Variants in ZHX2 observed in about 807,000 individuals in gnomAD.
The protein encoded by ZHX2 is zinc fingers and homeoboxes 2, also known as zinc fingers and homeoboxes protein 2.
Under a neutral mutation model 21.9 loss-of-function variants are expected in ZHX2, and 6 were observed. The ratio of observed to expected loss-of-function variants is 0.27; its 90% CI spans 0.15 to 0.54. ZHX2 has a LOEUF of 0.54. ZHX2 is among the 20% of genes least tolerant of loss of function. The pLI, the probability that ZHX2 is intolerant of heterozygous loss-of-function variation, is 0.95. For synonymous variants in ZHX2, 434 were observed against 437.1 expected (o/e 0.99, Z 0.09); for missense variants, 908 against 1,090.7 (o/e 0.83, Z 2.36).
intron 3 of ZHX2, among the ~76,000 whole-genome samples, chr8:122,971,870 G>A (rs538056096): frequency 4.7e-4 from 71 of 152,202 alleles, no homozygotes; most frequent in Middle Eastern, 3.4e-3. Flanking sequence ...ACAAAGTATT[G>A]CAAACTGGAT....
intron 1 of ZHX2, among the ~76,000 whole-genome samples, chr8:122,841,440 C>T (rs1033004450): frequency 6.6e-6 from 1 of 151,958 alleles, no homozygotes; most frequent in African/African-American, 2.4e-5. Context: ...AGGTGCCAGA[C>T]ATTTTGGGGT....
chr8:122,833,381 T>C (rs1212450138), intron 1 of ZHX2, among the ~76,000 whole-genome samples: 4 of 152,116 alleles, frequency 2.6e-5, no homozygotes, highest in African/African-American at 9.7e-5. Context: ...TTTAGGCCTA[T>C]GAGAGCTGCT....
intron 2 of ZHX2, among the ~76,000 whole-genome samples, chr8:122,870,350 C>T (rs1212509247): frequency 6.6e-6 from 1 of 151,872 alleles, no homozygotes; most frequent in Non-Finnish European, 1.5e-5. Context: ...TGAGCTGGTG[C>T]CAGGCACGGT....
chr8:122,925,512 G>A (rs1005107668), intron 2 of ZHX2, among the ~76,000 whole-genome samples: 2 of 152,176 alleles, frequency 1.3e-5, no homozygotes, highest in African/African-American at 2.4e-5. Context: ...AGTTCAAACC[G>A]TGTTCTCTTT....
intron 1 of ZHX2, among the ~76,000 whole-genome samples, chr8:122,835,700 G>C (rs1818479513): frequency 6.6e-6 from 1 of 152,198 alleles, no homozygotes; most frequent in Non-Finnish European, 1.5e-5. Flanking sequence ...AAGGCGATCA[G>C]GGTGGCAAGA....
chr8:122,823,640 CAG>C (rs1262286580), intron 1 of ZHX2, among the ~76,000 whole-genome samples: 2 of 152,246 alleles, frequency 1.3e-5, no homozygotes, highest in African/African-American at 2.4e-5. Flanking sequence ...AGCAGGTTCT[CAG>C]AAGCAGTCCT....
intron 3 of ZHX2, among the ~76,000 whole-genome samples, chr8:122,956,204 T>C (rs965028378): frequency 5.9e-5 from 9 of 152,122 alleles, no homozygotes; most frequent in Non-Finnish European, 1.3e-4. Flanking sequence ...GGTTGCTTTT[T>C]CCTCCCACCC....
chr8:122,837,151 T>C (rs1199042037), intron 1 of ZHX2, among the ~76,000 whole-genome samples: 1 of 152,198 alleles, frequency 6.6e-6, no homozygotes, highest in Non-Finnish European at 1.5e-5. Flanking sequence ...ACCCCTTGTT[T>C]AGCATATCAT....
intron 2 of ZHX2, among the ~76,000 whole-genome samples, chr8:122,867,329 A>G (rs1018964276): frequency 1.3e-5 from 2 of 152,220 alleles, no homozygotes; most frequent in African/African-American, 4.8e-5. Flanking sequence ...CTTACCATTC[A>G]GTCCACAGAC....
chr8:122,797,433 G>T (rs772258649), intron 1 of ZHX2, among the ~76,000 whole-genome samples: 1 of 152,270 alleles, frequency 6.6e-6, no homozygotes, highest in East Asian at 1.9e-4. Context: ...CATGACCGTC[G>T]GGCCAGTAGT....
At chr8:122,926,068 C>T (rs764607866) in intron 2 of ZHX2, among the ~76,000 whole-genome samples, 10 of 152,180 alleles carry the variant, frequency 6.6e-5, no homozygotes, top group Admixed American at 2.0e-4. Context: ...AGAAGCCACA[C>T]GCATGCGCCC....
At chr8:122,927,595 G>A (rs1490788885) in intron 2 of ZHX2, among the ~76,000 whole-genome samples, 1 of 152,192 alleles carries the variant, frequency 6.6e-6, no homozygotes, top group Admixed American at 6.5e-5. Context: ...TGGCGAAAGA[G>A]CAAGGGACAT....
intron 1 of ZHX2, among the ~76,000 whole-genome samples, chr8:122,799,401 T>C (rs1179255111): frequency 6.6e-6 from 1 of 151,036 alleles, no homozygotes; most frequent in Non-Finnish European, 1.5e-5. Flanking sequence ...GCCACAATTT[T>C]TTTTTTTGTT....
intron 1 of ZHX2, among the ~76,000 whole-genome samples, chr8:122,838,453 G>A (rs1818550581): frequency 2.0e-5 from 3 of 151,426 alleles, no homozygotes; most frequent in Non-Finnish European, 4.4e-5. Flanking sequence ...ACTGGGAAAA[G>A]AAAACAAGGT....
chr8:122,932,780 A>G (rs546380906), intron 2 of ZHX2, among the ~76,000 whole-genome samples: 19 of 152,200 alleles, frequency 1.2e-4, no homozygotes, highest in Non-Finnish European at 2.8e-4. Context: ...TTTGCCGTAC[A>G]AAGTAAGATT....
chr8:122,943,391 C>G (rs1025069857), intron 2 of ZHX2, among the ~76,000 whole-genome samples: 6 of 152,242 alleles, frequency 3.9e-5, no homozygotes, highest in Non-Finnish European at 7.3e-5. Flanking sequence ...TTTTACTGCT[C>G]CAGGCTGTGT....
At chr8:122,887,493 G>C (rs1819872950) in intron 2 of ZHX2, among the ~76,000 whole-genome samples, 1 of 152,048 alleles carries the variant, frequency 6.6e-6, no homozygotes. Flanking sequence ...ACTCCAGCCT[G>C]GGTGACAGAG....
At chr8:122,865,723 G>C (rs1289338315) in intron 2 of ZHX2, among the ~76,000 whole-genome samples, 1 of 152,214 alleles carries the variant, frequency 6.6e-6, no homozygotes, top group Non-Finnish European at 1.5e-5. Context: ...CTGGGATATA[G>C]TAAGTGCTCA....
chr8:122,802,861 T>C (rs773700973), intron 1 of ZHX2, among the ~76,000 whole-genome samples: 17 of 152,120 alleles, frequency 1.1e-4, no homozygotes, highest in Non-Finnish European at 2.2e-4. Flanking sequence ...GGCATCCCTG[T>C]TTCTCTTGGG....
Sources: allele counts gnomAD v4.1 joint callset (sites outside exome capture counted in the v4.1 genomes callset), GRCh38; gene constraint gnomAD v4.1.1; transcripts MANE v1.5; gene names NCBI Gene and HGNC (gene_info 2026-07-23, HGNC 2026-07-21).